The following ODAD2 variants were observed in gnomAD, a reference collection of about 807,000 sequenced individuals.
The protein encoded by ODAD2 is outer dynein arm-docking complex subunit 2.
In ODAD2, 89 loss-of-function variants were observed where a neutral mutation model predicts 106.8. That is an observed-to-expected ratio of 0.83 (90% CI 0.70 to 0.99). ODAD2 has a LOEUF of 0.99. Among genes scored for constraint, ODAD2 ranks in the 50% least tolerant of loss-of-function variants. ODAD2 has a pLI of 0.00. For missense variants in ODAD2, 1,168 were observed against 1,238.5 expected (o/e 0.94, Z 0.85); for synonymous variants, 404 against 436.2 (o/e 0.93, Z 0.92).
intron 16 of ODAD2, among the ~76,000 whole-genome samples, chr10:27,925,851 A>T (rs921163756): frequency 1.3e-5 from 2 of 152,084 alleles, no homozygotes; most frequent in African/African-American, 4.8e-5. Context: ...ATGAAATTAG[A>T]GGAGATAAAT....
intron 17 of ODAD2, among the ~76,000 whole-genome samples, chr10:27,907,219 T>G (rs143554548): frequency 6.6e-6 from 1 of 152,166 alleles, no homozygotes; most frequent in Non-Finnish European, 1.5e-5. Flanking sequence ...GTGAGAGTCA[T>G]TGAAATCATG....
chr10:27,959,168 A>G (rs1472667657), intron 10 of ODAD2, among the ~76,000 whole-genome samples: 1 of 109,562 alleles, frequency 9.1e-6, no homozygotes, highest in African/African-American at 3.6e-5. Context: ...AGGAAAGAGG[A>G]GAGGAGAGGG....
At chr10:27,946,634 C>T (rs1846948784) in intron 10 of ODAD2, among the ~76,000 whole-genome samples, 1 of 152,100 alleles carries the variant, frequency 6.6e-6, no homozygotes, top group Non-Finnish European at 1.5e-5. Context: ...GTTGTACTAT[C>T]TCACTGTATT....
At chr10:27,924,016 A>AAGAGAGAGAGAG (rs1845031052) in intron 16 of ODAD2, among the ~76,000 whole-genome samples, 1 of 131,434 alleles carries the variant, frequency 7.6e-6, no homozygotes, top group African/African-American at 3.0e-5. Flanking sequence ...GAAAGAAAGA[A>AAGAGAGAGAGAG]AGAAAGAAGG....
chr10:27,852,960 C>CAAAAA (rs61548333), intron 19 of ODAD2, among the ~76,000 whole-genome samples: 16 of 84,624 alleles, frequency 1.9e-4, no homozygotes, highest in Non-Finnish European at 2.8e-4. Flanking sequence ...GACACAGTCT[C>CAAAAA]AAAAAAAAAA....
At chr10:27,991,301 T>C (rs1366818130) in intron 2 of ODAD2, among the ~76,000 whole-genome samples, 1 of 152,146 alleles carries the variant, frequency 6.6e-6, no homozygotes, top group Non-Finnish European at 1.5e-5. Context: ...TGACAAATGT[T>C]ATAACATGAT....
intron 16 of ODAD2, among the ~76,000 whole-genome samples, chr10:27,924,000 A>AAGAGAGAGAGAGAGAG (rs1564509068): frequency 7.3e-6 from 1 of 137,232 alleles, no homozygotes; most frequent in African/African-American, 2.7e-5. Context: ...GAAAGAAAGA[A>AAGAGAGAGAGAGAGAG]AGAAAGAAAG....
intron 16 of ODAD2, among the ~76,000 whole-genome samples, chr10:27,924,127 A>T (rs1449377510): frequency 1.3e-5 from 2 of 152,102 alleles, no homozygotes; most frequent in African/African-American, 4.8e-5. Flanking sequence ...TATTGTCATT[A>T]AAAAAGCATC....
intron 16 of ODAD2, 127 bp from the exon 17 acceptor site, chr10:27,907,904 CA>C: frequency 1.7e-6 from 1 of 572,180 alleles, no homozygotes; most frequent in Non-Finnish European, 3.0e-6. Flanking sequence ...TTTTTTTTTG[CA>C]AAACTTCATC....
intron 7 of ODAD2, 77 bp downstream of exon 7, chr10:27,981,387 ACT>A (rs752884686): frequency 6.9e-5 from 93 of 1,348,308 alleles, no homozygotes; most frequent in Non-Finnish European, 8.2e-5. Context: ...AGGCAAAATT[ACT>A]GTTTTTCTTG....
At chr10:27,987,266 C>A (rs1349717735) in intron 3 of ODAD2, 120 bp downstream of exon 3, 4 of 872,046 alleles carry the variant, frequency 4.6e-6, no homozygotes, top group Non-Finnish European at 6.8e-6. Context: ...GACTTTTTAC[C>A]TTGTAGATTG....
chr10:27,952,857 A>C (rs572485187), intron 10 of ODAD2, among the ~76,000 whole-genome samples: 71 of 152,148 alleles, frequency 4.7e-4, no homozygotes, highest in African/African-American at 1.7e-3. Flanking sequence ...AGGAGCTATG[A>C]AACTTTTTTT....
chr10:27,847,169 C>A (rs2133181264), intron 19 of ODAD2, among the ~76,000 whole-genome samples: 1 of 152,212 alleles, frequency 6.6e-6, no homozygotes, highest in South Asian at 2.1e-4. Context: ...ATGCAAAAAT[C>A]CTCAATAAAA....
At chr10:27,866,543 T>A (rs1402536379) in intron 17 of ODAD2, among the ~76,000 whole-genome samples, 1 of 152,112 alleles carries the variant, frequency 6.6e-6, no homozygotes, top group Non-Finnish European at 1.5e-5. Flanking sequence ...AATTACTGGG[T>A]AATTTATAAA....
chr10:27,893,844 T>C (rs975674083), intron 17 of ODAD2, among the ~76,000 whole-genome samples: 4 of 152,166 alleles, frequency 2.6e-5, no homozygotes, highest in Non-Finnish European at 5.9e-5. Context: ...CTACTGTCCC[T>C]CAGAATTTAT....
At chr10:27,942,595 A>C (rs902170042) in intron 12 of ODAD2, among the ~76,000 whole-genome samples, 1 of 152,204 alleles carries the variant, frequency 6.6e-6, no homozygotes, top group Non-Finnish European at 1.5e-5. Context: ...CTTATAATTT[A>C]ATGGGAGTAG....
intron 17 of ODAD2, among the ~76,000 whole-genome samples, chr10:27,906,798 G>C (rs1843623839): frequency 6.6e-6 from 1 of 152,116 alleles, no homozygotes; most frequent in African/African-American, 2.4e-5. Context: ...TCATTCATAA[G>C]CGGGAGTTGA....
At chr10:27,941,478 C>CT (rs1846423119) in intron 12 of ODAD2, among the ~76,000 whole-genome samples, 1 of 144,640 alleles carries the variant, frequency 6.9e-6, no homozygotes, top group South Asian at 2.3e-4. Flanking sequence ...AAGCAAGATC[C>CT]TGCCCCCCGA....
At chr10:27,987,579 C>A in intron 2 of ODAD2, 36 bp from the exon 3 acceptor site, 2 of 1,514,062 alleles carry the variant, frequency 1.3e-6, no homozygotes, top group Admixed American at 1.8e-5. Context: ...AAGCTTCATG[C>A]TACCTAGAGG....
Sources: allele counts gnomAD v4.1 joint callset (sites outside exome capture counted in the v4.1 genomes callset), GRCh38; gene constraint gnomAD v4.1.1; transcripts MANE v1.5; gene names NCBI Gene and HGNC (gene_info 2026-07-23, HGNC 2026-07-21).